The following UGT1A10 variants were observed in gnomAD, a reference collection of about 807,000 sequenced individuals.
The protein encoded by UGT1A10 is UDP-glucuronosyltransferase 1A10.
Under a neutral mutation model 45.8 loss-of-function variants are expected in UGT1A10, and 49 were observed. The ratio of observed to expected loss-of-function variants is 1.07; its 90% CI spans 0.85 to 1.36. The LOEUF is 1.36. Among genes scored for constraint, UGT1A10 ranks in the 40% most tolerant of loss-of-function variants. The pLI is 0.00. For missense variants in UGT1A10, 745 were observed against 668.6 expected, an observed-to-expected ratio of 1.11 and a Z score of -1.26; for synonymous variants, 284 against 249.7, an observed-to-expected ratio of 1.14 and a Z score of -1.29.
intron 1 of UGT1A10, chr2:233,752,561 A>G (rs1440235236): frequency 6.6e-6 from 1 of 152,232 alleles, no homozygotes; most frequent in Non-Finnish European, 1.5e-5. Context: ...GGGACAACAT[A>G]GTGGGTCAAC....
Position 233,677,865 on chromosome 2 carries a change from C to T in UGT1A10, c.855+40488C>T, listed in dbSNP as rs140979747. Among the ~76,000 whole-genome samples, 554 of 152,174 alleles carry T rather than the reference C, an allele frequency of 3.6e-3. 6 individuals are homozygous for T. The highest frequency in any genetic ancestry group is 0.013 in the African/African-American group (530 of 41,518). ...AAATCGTTTTACCAAGAAACACATG[C>T]ACTGGTATGTTCATTGCAGCTCTAT... On this transcript the variant is annotated intron_variant, in intron 1 of 4. Coordinates refer to ENST00000344644, the MANE Select transcript of UGT1A10 (RefSeq NM_019075.4).
rs2078811947 is a variant in UGT1A10 at position 233,736,813 on chromosome 2, C to T, written c.856-30221C>T. 3.9e-5 allele frequency among the ~76,000 whole-genome samples: 6 copies of T among 152,224 alleles called. No individual in the cohort carries two copies. The South Asian group carries it at 1.2e-3, about 31-fold the overall frequency. Reference sequence around the variant, plus strand: ...TCTGTTGGAGTTTGCTGGAGGTCCACTCCAGATGCTCTTTGCTTTGGTATC... The same window carrying T: ...TCTGTTGGAGTTTGCTGGAGGTCCATTCCAGATGCTCTTTGCTTTGGTATC... On this transcript the variant is annotated intron_variant, in intron 1 of 4. Transcript: ENST00000344644.
At chr2:233,682,114 G>A (rs762584312) in intron 1 of UGT1A10, 11 of 1,614,238 alleles carry the variant, frequency 6.8e-6, no homozygotes, top group Non-Finnish European at 9.3e-6. Flanking sequence ...TCGTAGTCAT[G>A]CCAGAGGTGA....
At chr2:233,684,489 A>T (rs1035081818) in intron 1 of UGT1A10, among the ~76,000 whole-genome samples, 1 of 152,168 alleles carries the variant, frequency 6.6e-6, no homozygotes, top group African/African-American at 2.4e-5. Flanking sequence ...TCAAAGGGTC[A>T]CCCAAAGGGA....
At chr2:233,688,675 A>G (rs10173355) in intron 1 of UGT1A10, among the ~76,000 whole-genome samples, 1 of 152,002 alleles carries the variant, frequency 6.6e-6, no homozygotes, top group Non-Finnish European at 1.5e-5. Context: ...GCTCTTTTTT[A>G]AAAAATTTAA....
chr2:233,670,047 T>A (rs6731242), intron 1 of UGT1A10, among the ~76,000 whole-genome samples: 1,582 of 152,212 alleles, frequency 0.01, 41 homozygotes, highest in African/African-American at 0.036. Context: ...ACTAGAAGCC[T>A]TACCAATAAC....
intron 1 of UGT1A10, among the ~76,000 whole-genome samples, chr2:233,744,367 A>T (rs2125862571): frequency 6.6e-6 from 1 of 151,892 alleles, no homozygotes; most frequent in Non-Finnish European, 1.5e-5. Flanking sequence ...GTTGTTTAGG[A>T]CTGCAGTTCT....
chr2:233,725,392 C>A (rs1422562370), intron 1 of UGT1A10, among the ~76,000 whole-genome samples: 1 of 151,006 alleles, frequency 6.6e-6, no homozygotes, highest in African/African-American at 2.4e-5. Flanking sequence ...TAATAGGTTA[C>A]CTTGATGGTC....
chr2:233,643,939 C>A (rs1373248771), intron 1 of UGT1A10, among the ~76,000 whole-genome samples: 1 of 152,144 alleles, frequency 6.6e-6, no homozygotes, highest in African/African-American at 2.4e-5. Flanking sequence ...ACAAAGTCCT[C>A]CCCACTTTTC....
At chr2:233,677,927 C>T (rs978065648) in intron 1 of UGT1A10, among the ~76,000 whole-genome samples, 1 of 151,818 alleles carries the variant, frequency 6.6e-6, no homozygotes, top group Admixed American at 6.6e-5. Context: ...CCTAGGTGCC[C>T]GTCAACAGTG....
rs1051929356 is a variant in UGT1A10, at chr2:233,682,576, C to T, written c.855+45199C>T. On this transcript the variant is annotated intron_variant, in intron 1 of 4. Transcript: ENST00000344644. ...AGAGAGTATGGAACCACATCATGCA[C>T]TTGGAGGAACATTTATTTTGCCCCT... The T allele has an allele frequency of 3.7e-6, 6 of 1,613,824 alleles. No homozygotes were observed. The African/African-American group carries it at 8.0e-5, about 22-fold the overall frequency.
At chr2:233,767,454 G>A (rs1699397027) in intron 2 of UGT1A10, among the ~76,000 whole-genome samples, 1 of 152,122 alleles carries the variant, frequency 6.6e-6, no homozygotes, top group South Asian at 2.1e-4. Context: ...TAAAATAAAT[G>A]GGATATTGTT....
intron 1 of UGT1A10, among the ~76,000 whole-genome samples, chr2:233,762,877 CTT>C (rs1394473755): frequency 6.6e-6 from 1 of 152,136 alleles, no homozygotes; most frequent in East Asian, 1.9e-4. Flanking sequence ...GGTTTCTTCT[CTT>C]ATAAATTCCA....
chr2:233,726,214 T>C (rs560651171), intron 1 of UGT1A10, among the ~76,000 whole-genome samples: 20 of 152,276 alleles, frequency 1.3e-4, no homozygotes, highest in Non-Finnish European at 2.5e-4. Context: ...TTAAAAAGTT[T>C]AGAAAACATT....
At chr2:233,758,124 A>G (rs1696806452) in intron 1 of UGT1A10, among the ~76,000 whole-genome samples, 1 of 152,212 alleles carries the variant, frequency 6.6e-6, no homozygotes, top group South Asian at 2.1e-4. Flanking sequence ...CGTTCCATAA[A>G]TATTTGGCAG....
chr2:233,697,037 C>CT (rs533697413), intron 1 of UGT1A10, among the ~76,000 whole-genome samples: 10 of 150,934 alleles, frequency 6.6e-5, no homozygotes, highest in South Asian at 2.1e-4. Flanking sequence ...CCGCAGTTTT[C>CT]TTTTTTTTTG....
chr2:233,743,632 GT>G, intron 1 of UGT1A10: 1 of 1,367,332 alleles, frequency 7.3e-7, no homozygotes, highest in Non-Finnish European at 9.8e-7. Flanking sequence ...CGTCGGCTGG[GT>G]CGCGGAAGCT....
chr2:233,758,758 G>C (rs1696968653), intron 1 of UGT1A10, among the ~76,000 whole-genome samples: 1 of 152,210 alleles, frequency 6.6e-6, no homozygotes, highest in Non-Finnish European at 1.5e-5. Context: ...CCAGTGATGT[G>C]TATGGTTCAA....
In UGT1A10 at chr2:233,637,087, T is replaced by C. The variant is rs138189938; in HGVS notation, c.565T>C (p.Tyr189His). ...EGAQCPAPLS[Y>H]VPNDLLGFSD... ...TGCACAGTGCCCTGCTCCTCTTTCC[T>C]ATGTCCCCAATGATCTCTTAGGGTT... The change falls in exon 1 of 5, where the codon TAT (tyrosine) becomes CAT (histidine). Residue 189 changes from tyrosine (Y) to histidine (H), a missense_variant. Tyr to His is a moderately conservative substitution (Grantham distance 83). Transcript: ENST00000344644. The C allele has an allele frequency of 6.8e-6, 11 of 1,613,846 alleles. No individual in the cohort carries two copies. In the African/African-American group the frequency reaches 1.5e-4, roughly 22 times the overall value.
Sources: allele counts gnomAD v4.1 joint callset (sites outside exome capture counted in the v4.1 genomes callset), GRCh38; gene constraint gnomAD v4.1.1; transcripts MANE v1.5; gene names NCBI Gene and HGNC (gene_info 2026-07-23, HGNC 2026-07-21).